The following ST8SIA4 variants were observed in gnomAD, a reference collection of about 807,000 sequenced individuals.
ST8SIA4 encodes ST8 alpha-N-acetyl-neuraminide alpha-2,8-sialyltransferase 4, also known as CMP-N-acetylneuraminate-poly-alpha-2,8-sialyltransferase.
A neutral mutation model predicts 33.9 loss-of-function variants in ST8SIA4; 15 were observed. That is an observed-to-expected ratio of 0.44 (90% confidence interval 0.30 to 0.68). ST8SIA4 has a LOEUF of 0.68. ST8SIA4 is among the 30% of genes least tolerant of loss of function. The pLI, the probability that ST8SIA4 is intolerant of heterozygous loss-of-function variation, is 0.10. For missense variants in ST8SIA4, 321 were observed against 428.0 expected (o/e 0.75, Z 2.21); for synonymous variants, 171 against 151.2 (o/e 1.13, Z -0.96).
intron 4 of ST8SIA4, among the ~76,000 whole-genome samples, chr5:100,843,922 C>T (rs2112426479): frequency 6.6e-6 from 1 of 152,018 alleles, no homozygotes; most frequent in Middle Eastern, 3.4e-3. Context: ...ATTTTATTAT[C>T]TCTCTCCAAT....
intron 4 of ST8SIA4, among the ~76,000 whole-genome samples, chr5:100,853,723 ATGTGTATTCAC>A (rs1751751211): frequency 6.6e-6 from 1 of 152,218 alleles, no homozygotes; most frequent in Non-Finnish European, 1.5e-5. Flanking sequence ...GTAAAAACCC[ATGTGTATTCAC>A]TGTTAATCAT....
Position 100,886,422 on chromosome 5 carries a change from A to G in ST8SIA4, c.424T>C (p.Cys142Arg). 6.2e-7 allele frequency: 1 copy of G among 1,613,974 alleles called. No individual in the cohort carries two copies. Among genetic ancestry groups the G allele is most frequent in the Non-Finnish European group, 8.5e-7 (1 of 1,179,848 alleles). ...ATGCCAGAATTTCCAACAACTGCAC[A>G]GGTCTTAAACCTGCGATTCTTCATT... is the stretch of plus-strand genomic sequence containing the variant. ...SPMKNRRFKT[C>R]AVVGNSGILL... The change falls in exon 3 of 5, where the codon TGT becomes CGT. Residue 142 changes from cysteine (C) to arginine (R), a missense_variant. By Grantham distance (180) the Cys-to-Arg change is radical. Transcript: ENST00000231461.
At chr5:100,815,420 T>TCTTCCTTCCTTC (rs536259994) in intron 4 of ST8SIA4, among the ~76,000 whole-genome samples, 54 of 151,476 alleles carry the variant, frequency 3.6e-4, no homozygotes, top group African/African-American at 1.2e-3. Flanking sequence ...ATCCTTCCTT[T>TCTTCCTTCCTTC]CTTCCTTCCT....
chr5:100,864,938 T>C (rs1257704914), intron 3 of ST8SIA4, among the ~76,000 whole-genome samples: 1 of 152,228 alleles, frequency 6.6e-6, no homozygotes, highest in African/African-American at 2.4e-5. Flanking sequence ...TTTCTGTTCT[T>C]ATCTTGTCCA....
chr5:100,861,742 T>G (rs1198839653), intron 3 of ST8SIA4, among the ~76,000 whole-genome samples: 2 of 152,220 alleles, frequency 1.3e-5, no homozygotes, highest in African/African-American at 4.8e-5. Context: ...ATCAAGTTAC[T>G]TAACTTGTCC....
At chr5:100,855,749 A>G (rs763134026) in intron 4 of ST8SIA4, among the ~76,000 whole-genome samples, 10 of 152,156 alleles carry the variant, frequency 6.6e-5, no homozygotes, top group Non-Finnish European at 1.0e-4. Context: ...CTTACACAAT[A>G]TTGCCCACTA....
At chr5:100,837,494 G>C (rs558087687) in intron 4 of ST8SIA4, among the ~76,000 whole-genome samples, 22 of 152,080 alleles carry the variant, frequency 1.4e-4, no homozygotes, top group Non-Finnish European at 2.5e-4. Context: ...AATGTTAATA[G>C]CTGCAGTTTT....
At chr5:100,854,496 C>A (rs1036541622) in intron 4 of ST8SIA4, among the ~76,000 whole-genome samples, 5 of 151,836 alleles carry the variant, frequency 3.3e-5, no homozygotes, top group Non-Finnish European at 5.9e-5. Context: ...GGCAGGAGAA[C>A]GGCGTGAACC....
intron 3 of ST8SIA4, among the ~76,000 whole-genome samples, chr5:100,870,085 G>A (rs896617589): frequency 1.3e-5 from 2 of 152,152 alleles, no homozygotes; most frequent in Non-Finnish European, 2.9e-5. Context: ...GTATGAGTGA[G>A]AACATGCGGA....
chr5:100,895,797 C>G lies in ST8SIA4; in HGVS notation c.114-12G>C, dbSNP rs1011467371. 2 of 1,610,832 alleles carry G rather than the reference C, an allele frequency of 1.2e-6. No homozygotes were observed. The highest frequency in any genetic ancestry group is 8.5e-7 in the Non-Finnish European group (1 of 1,178,292). On this transcript the variant is annotated splice_polypyrimidine_tract_variant and intron_variant, in intron 1 of 4. Coordinates refer to ENST00000231461, the MANE Select transcript of ST8SIA4 (RefSeq NM_005668.6). ...ACAATTCACCATCTCTGAAACAAAACAAAATTGCCAGCTTTGTGAAAGTAA... is the reference window on the plus strand; with the variant it reads ...ACAATTCACCATCTCTGAAACAAAAGAAAATTGCCAGCTTTGTGAAAGTAA...
At position 100,858,737 on chromosome 5, in the gene ST8SIA4, T is replaced by A. The variant is rs1580466436; in HGVS notation, c.504-2341A>T. On this transcript the variant is annotated intron_variant, in intron 3 of 4. Coordinates refer to ENST00000231461, the MANE Select transcript of ST8SIA4 (RefSeq NM_005668.6). ...TAGGAAACAAACCAACATATTTGAT[T>A]TAATTAATGAATGCTAAATGAGTAT... Among the ~76,000 whole-genome samples, 3 of 152,206 alleles carry A rather than the reference T, an allele frequency of 2.0e-5. No individual in the cohort carries two copies. The South Asian group carries it at 6.2e-4, about 32-fold the overall frequency.
intron 3 of ST8SIA4, among the ~76,000 whole-genome samples, chr5:100,874,568 A>G (rs887703754): frequency 1.3e-5 from 2 of 150,190 alleles, no homozygotes; most frequent in Non-Finnish European, 3.0e-5. Context: ...TCTGCCTGTC[A>G]TCTCTTTTTT....
chr5:100,861,544 G>T (rs966257), intron 3 of ST8SIA4, among the ~76,000 whole-genome samples: 42,708 of 151,918 alleles, frequency 0.28, 6,251 homozygotes, highest in Non-Finnish European at 0.32. Flanking sequence ...GCTTAGATTT[G>T]GGAGGGGAGA....
intron 3 of ST8SIA4, chr5:100,885,761 G>A (rs11241755): frequency 0.3 from 279,602 of 937,736 alleles, 43,792 homozygotes; most frequent in Non-Finnish European, 0.32. Flanking sequence ...TCTTTTAACC[G>A]TTAATGAAAA....
intron 3 of ST8SIA4, among the ~76,000 whole-genome samples, chr5:100,858,262 T>C (rs185966150): frequency 5.9e-5 from 9 of 152,148 alleles, no homozygotes; most frequent in Admixed American, 2.0e-4. Context: ...TTAGGTAAAA[T>C]AGGGAGAATA....
intron 4 of ST8SIA4, among the ~76,000 whole-genome samples, chr5:100,817,140 T>G (rs1750942609): frequency 1.1e-5 from 1 of 92,960 alleles, no homozygotes; most frequent in Admixed American, 1.2e-4. Flanking sequence ...TTTTTTTTTT[T>G]GTATTTTTGG....
chr5:100,875,788 A>G (rs1752291818), intron 3 of ST8SIA4, among the ~76,000 whole-genome samples: 1 of 152,292 alleles, frequency 6.6e-6, no homozygotes, highest in East Asian at 1.9e-4. Flanking sequence ...TTCTCTTTAA[A>G]TGTTTACAAG....
At chr5:100,816,685 T>G in intron 4 of ST8SIA4, 1 of 460,492 alleles carries the variant, frequency 2.2e-6, no homozygotes, top group South Asian at 1.7e-5. Context: ...AATTTAATGT[T>G]ATATTATAAG....
intron 2 of ST8SIA4, among the ~76,000 whole-genome samples, chr5:100,891,535 C>CA (rs906436291): frequency 1.6e-4 from 24 of 151,600 alleles, no homozygotes; most frequent in East Asian, 7.7e-4. Context: ...ATCTTAGTGT[C>CA]AAAAAAAATC....
Sources: gnomAD v4.1 joint callset for allele counts (sites outside exome capture counted in the v4.1 genomes callset) on GRCh38, gnomAD v4.1.1 for gene constraint, MANE v1.5 for transcripts, NCBI Gene and HGNC (gene_info 2026-07-23, HGNC 2026-07-21) for gene names.